The following MMP26 variants were observed in gnomAD, a reference collection of about 807,000 sequenced individuals.
The protein encoded by MMP26 is matrix metalloproteinase-26.
Under a neutral mutation model 31.0 loss-of-function variants are expected in MMP26, and 33 were observed. The ratio of observed to expected loss-of-function variants is 1.06; its 90% CI spans 0.81 to 1.42. The LOEUF (loss-of-function observed/expected upper bound fraction) is 1.42, where lower values mean the gene tolerates loss of function less well. MMP26 is among the 40% of genes most tolerant of loss of function. The pLI is 0.00. For missense variants in MMP26, 347 were observed against 316.1 expected (o/e 1.10, Z -0.74); for synonymous variants, 122 against 114.9 (o/e 1.06, Z -0.40).
intron 2 of MMP26, among the ~76,000 whole-genome samples, chr11:4,799,496 C>T (rs1849153394): frequency 6.6e-6 from 1 of 152,150 alleles, no homozygotes; most frequent in South Asian, 2.1e-4. Context: ...ACAATTACCT[C>T]CCACCAATGT....
chr11:4,793,896 A>C (rs949018561), intron 2 of MMP26: 1 of 152,226 alleles, frequency 6.6e-6, no homozygotes, highest in African/African-American at 2.4e-5. Context: ...GATGGGAATC[A>C]CTGTGAGTGT....
intron 1 of MMP26, among the ~76,000 whole-genome samples, chr11:4,725,097 C>A (rs1848080698): frequency 6.6e-6 from 1 of 152,304 alleles, no homozygotes; most frequent in South Asian, 2.1e-4. Context: ...CTTGCTCCTT[C>A]TTCAGCCATG....
At chr11:4,855,164 C>T (rs1850032132) in intron 2 of MMP26, among the ~76,000 whole-genome samples, 1 of 152,064 alleles carries the variant, frequency 6.6e-6, no homozygotes, top group African/African-American at 2.4e-5. Context: ...CCTCTTCTAC[C>T]CCAAAGGAAC....
At chr11:4,905,897 A>G (rs1850880585) in intron 2 of MMP26, among the ~76,000 whole-genome samples, 1 of 152,172 alleles carries the variant, frequency 6.6e-6, no homozygotes, top group African/African-American at 2.4e-5. Context: ...TCTGTTTATT[A>G]TGTAGGCAAA....
intron 1 of MMP26, among the ~76,000 whole-genome samples, chr11:4,705,890 A>G (rs1294239327): frequency 1.4e-5 from 2 of 144,548 alleles, no homozygotes; most frequent in East Asian, 4.4e-4. Flanking sequence ...CGGGAGGCTG[A>G]GGCAAGGGAA....
At chr11:4,733,755 ATT>A (rs1467220511) in intron 1 of MMP26, among the ~76,000 whole-genome samples, 2 of 152,154 alleles carry the variant, frequency 1.3e-5, no homozygotes, top group Non-Finnish European at 2.9e-5. Context: ...TGTCTTTTTC[ATT>A]ATATTAGAGG....
At chr11:4,858,074 C>T (rs371085521) in intron 2 of MMP26, among the ~76,000 whole-genome samples, 2 of 152,096 alleles carry the variant, frequency 1.3e-5, no homozygotes, top group African/African-American at 4.8e-5. Flanking sequence ...TGGGACGTAT[C>T]TCAAAATAAT....
At chr11:4,874,702 G>GCTA (rs1221551833) in intron 2 of MMP26, among the ~76,000 whole-genome samples, 1 of 151,972 alleles carries the variant, frequency 6.6e-6, no homozygotes, top group East Asian at 1.9e-4. Context: ...GTCAGCTGTG[G>GCTA]CTAGACTGGC....
At chr11:4,923,588 A>G in intron 2 of MMP26, 3 of 1,614,168 alleles carry the variant, frequency 1.9e-6, no homozygotes, top group South Asian at 2.2e-5. Context: ...GTAGAAGAGC[A>G]GTACAGCACA....
At chr11:4,915,301 CAGT>C (rs1241234971) in intron 2 of MMP26, 23 of 1,613,818 alleles carry the variant, frequency 1.4e-5, no homozygotes, top group Non-Finnish European at 1.9e-5. Flanking sequence ...AGGCCATAGA[CAGT>C]AGCACAGAGG....
chr11:4,773,697 G>A (rs886294034), intron 2 of MMP26, among the ~76,000 whole-genome samples: 1 of 149,640 alleles, frequency 6.7e-6, no homozygotes, highest in African/African-American at 2.5e-5. Flanking sequence ...AGGTAAACAT[G>A]TGCCATGGTG....
intron 2 of MMP26, among the ~76,000 whole-genome samples, chr11:4,970,815 G>T (rs898258709): frequency 1.3e-5 from 2 of 152,186 alleles, no homozygotes; most frequent in Non-Finnish European, 2.9e-5. Flanking sequence ...ACCGGTGCCA[G>T]TGGTGGTGAT....
chr11:4,959,380 A>G (rs946940744), intron 2 of MMP26, among the ~76,000 whole-genome samples: 2 of 152,158 alleles, frequency 1.3e-5, no homozygotes, highest in Admixed American at 1.3e-4. Flanking sequence ...TGCTGGGTAT[A>G]GGATGTGTCT....
intron 2 of MMP26, among the ~76,000 whole-genome samples, chr11:4,918,327 A>T (rs1851129462): frequency 6.6e-6 from 1 of 152,130 alleles, no homozygotes; most frequent in African/African-American, 2.4e-5. Context: ...TTAGAAAGAT[A>T]TAGAGAAATG....
At chr11:4,711,924 C>T (rs1018691577) in intron 1 of MMP26, 5 of 152,036 alleles carry the variant, frequency 3.3e-5, no homozygotes, top group African/African-American at 1.2e-4. Context: ...ACTGACATAC[C>T]CACCTCTTTC....
At chr11:4,957,521 C>T (rs1220346912) in intron 2 of MMP26, among the ~76,000 whole-genome samples, 1 of 151,984 alleles carries the variant, frequency 6.6e-6, no homozygotes, top group Non-Finnish European at 1.5e-5. Flanking sequence ...TTCGTCCTTT[C>T]CCCCGATGAG....
rs563285035 is a variant in MMP26, at chr11:4,966,343, A to G, written c.-144-21725A>G. 2.0e-5 allele frequency among the ~76,000 whole-genome samples: 3 copies of G among 152,276 alleles called. No individual in the cohort carries two copies. In the East Asian group the frequency reaches 5.8e-4, roughly 29 times the overall value. On this transcript the variant is annotated intron_variant, in intron 2 of 7. Coordinates refer to ENST00000380390, the MANE Select transcript of MMP26 (RefSeq NM_021801.5). Reference sequence around the variant, plus strand: ...ATGGGTGCAGGTGTACTCTGGCCACACTGCTCTAACAGCTTGCCACTGCCA... The same window carrying G: ...ATGGGTGCAGGTGTACTCTGGCCACGCTGCTCTAACAGCTTGCCACTGCCA...
chr11:4,713,429 C>G (rs1415428442), intron 1 of MMP26, among the ~76,000 whole-genome samples: 1 of 152,112 alleles, frequency 6.6e-6, no homozygotes, highest in African/African-American at 2.4e-5. Flanking sequence ...ACTCTGTGCT[C>G]CATTGTCTCC....
rs1454578400 is a variant in MMP26 at position 4,991,477 on chromosome 11, C to T, written c.576C>T (p.His192=). 7.4e-6 allele frequency: 12 copies of T among 1,613,758 alleles called. No individual in the cohort carries two copies. The highest frequency in any genetic ancestry group is 1.1e-5 in the South Asian group (1 of 91,032). ...TTGTCCATTTTGACAAGAATGAACACTGGTCAGCTTCAGACACTGGTAAAT... is the reference window on the plus strand; with the variant it reads ...TTGTCCATTTTGACAAGAATGAACATTGGTCAGCTTCAGACACTGGTAAAT... ...PGVVHFDKNE[H]WSASDTGYNL... The change falls in exon 6 of 8, where the codon CAC becomes CAT. Residue 192 remains histidine (H), a synonymous_variant. Transcript: ENST00000380390.
Sources: allele counts gnomAD v4.1 joint callset (sites outside exome capture counted in the v4.1 genomes callset), GRCh38; gene constraint gnomAD v4.1.1; transcripts MANE v1.5; gene names NCBI Gene and HGNC (gene_info 2026-07-23, HGNC 2026-07-21).